The following CNTNAP2 variants were observed in gnomAD, a reference collection of about 807,000 sequenced individuals.
CNTNAP2 encodes contactin associated protein 2, also known as contactin-associated protein-like 2.
CNTNAP2 carries 98 observed loss-of-function variants against 155.2 expected under a neutral mutation model. The ratio of observed to expected loss-of-function variants is 0.63; its 90% CI spans 0.54 to 0.75. The LOEUF (loss-of-function observed/expected upper bound fraction) is 0.75. CNTNAP2 is among the 30% of genes least tolerant of loss of function. CNTNAP2 has a pLI of 0.00. For synonymous variants in CNTNAP2, 651 were observed against 631.2 expected (o/e 1.03, Z -0.47); for missense variants, 1,727 against 1,688.1 (o/e 1.02, Z -0.40).
chr7:146,706,853 C>A (rs1238546476), intron 1 of CNTNAP2, among the ~76,000 whole-genome samples: 1 of 148,642 alleles, frequency 6.7e-6, no homozygotes, highest in Non-Finnish European at 1.5e-5. Flanking sequence ...ATCTGTACAA[C>A]AATCCCCATG....
chr7:148,105,556 G>T (rs1804190403), intron 15 of CNTNAP2, among the ~76,000 whole-genome samples: 1 of 151,730 alleles, frequency 6.6e-6, no homozygotes, highest in Non-Finnish European at 1.5e-5. Flanking sequence ...AGAGTGAAAT[G>T]GTCGGTTTTG....
intron 1 of CNTNAP2, among the ~76,000 whole-genome samples, chr7:146,452,373 A>G (rs947533977): frequency 6.6e-6 from 1 of 152,230 alleles, no homozygotes; most frequent in African/African-American, 2.4e-5. Flanking sequence ...TATGACATGT[A>G]TAGTAAATAT....
intron 2 of CNTNAP2, among the ~76,000 whole-genome samples, chr7:146,810,805 AT>A (rs1463479086): frequency 1.3e-5 from 2 of 152,176 alleles, no homozygotes; most frequent in Non-Finnish European, 2.9e-5. Context: ...GTTGAAGTAT[AT>A]TCATTCTACA....
intron 9 of CNTNAP2, among the ~76,000 whole-genome samples, chr7:147,357,728 T>C (rs1796088193): frequency 6.6e-6 from 1 of 152,082 alleles, no homozygotes; most frequent in Non-Finnish European, 1.5e-5. Context: ...GTCCATCTAG[T>C]GAACACTTTT....
At chr7:147,492,905 C>A (rs1468794026) in intron 11 of CNTNAP2, among the ~76,000 whole-genome samples, 1 of 152,150 alleles carries the variant, frequency 6.6e-6, no homozygotes, top group Non-Finnish European at 1.5e-5. Context: ...TTAGACACGT[C>A]ATTTAATGTC....
intron 22 of CNTNAP2, among the ~76,000 whole-genome samples, chr7:148,388,925 A>G (rs1383520079): frequency 2.6e-5 from 4 of 152,088 alleles, no homozygotes; most frequent in African/African-American, 7.2e-5. Flanking sequence ...GGCCATGTGA[A>G]GTGTCAGTCT....
At chr7:147,012,251 A>G (rs111577384) in intron 3 of CNTNAP2, among the ~76,000 whole-genome samples, 9 of 152,276 alleles carry the variant, frequency 5.9e-5, no homozygotes, top group African/African-American at 1.9e-4. Flanking sequence ...GATAGTAGTA[A>G]TAGATGTAAA....
At chr7:147,714,056 A>T (rs1796446553) in intron 13 of CNTNAP2, among the ~76,000 whole-genome samples, 1 of 152,116 alleles carries the variant, frequency 6.6e-6, no homozygotes, top group Admixed American at 6.6e-5. Context: ...TACCTACTGT[A>T]TGCCAAGCGC....
At chr7:146,724,295 G>C (rs1338522493) in intron 1 of CNTNAP2, among the ~76,000 whole-genome samples, 1 of 152,114 alleles carries the variant, frequency 6.6e-6, no homozygotes, top group Non-Finnish European at 1.5e-5. Flanking sequence ...CTGTTGAATA[G>C]TTAGGGCCCT....
rs575281457 is a variant in CNTNAP2, at chr7:146,623,431, A to G, written c.98-150840A>G. On this transcript the variant is annotated intron_variant, in intron 1 of 23. Transcript: ENST00000361727. ...AAATGCCCTGTGCTTTGCCCACTCA[A>G]CTCTCTCTACAGAAAACCCTGCAAC... Among the ~76,000 whole-genome samples, 14 of 151,972 alleles carry G rather than the reference A, an allele frequency of 9.2e-5. 1 individual carries two copies. In the South Asian group the frequency reaches 2.9e-3, roughly 32 times the overall value.
At chr7:146,331,288 A>G (rs1801181822) in intron 1 of CNTNAP2, among the ~76,000 whole-genome samples, 1 of 146,462 alleles carries the variant, frequency 6.8e-6, no homozygotes, top group African/African-American at 2.6e-5. Context: ...TGGGCGACAG[A>G]GCGAGACTCC....
At chr7:146,127,111 A>C (rs1458588263) in intron 1 of CNTNAP2, among the ~76,000 whole-genome samples, 2 of 152,110 alleles carry the variant, frequency 1.3e-5, no homozygotes, top group Non-Finnish European at 2.9e-5. Flanking sequence ...AATCTAACCG[A>C]CCATACTGAG....
At chr7:147,245,955 A>G (rs529759769) in intron 8 of CNTNAP2, among the ~76,000 whole-genome samples, 2 of 150,308 alleles carry the variant, frequency 1.3e-5, no homozygotes, top group Admixed American at 6.7e-5. Context: ...ATACAAATAT[A>G]TGCATGCATA....
chr7:146,421,930 A>T (rs529487844), intron 1 of CNTNAP2, among the ~76,000 whole-genome samples: 2 of 151,892 alleles, frequency 1.3e-5, no homozygotes, highest in African/African-American at 2.4e-5. Flanking sequence ...TATATATTAT[A>T]GATGCTTGTT....
rs142809990 is a variant in CNTNAP2, at chr7:147,661,787, G to A, written c.2098+22481G>A. Among the ~76,000 whole-genome samples, 1,238 of 152,152 alleles carry A rather than the reference G, an allele frequency of 8.1e-3. 54 individuals are homozygous for A. In the East Asian group the frequency reaches 0.1, roughly 12 times the overall value. On this transcript the variant is annotated intron_variant, in intron 13 of 23. Coordinates refer to ENST00000361727, the MANE Select transcript of CNTNAP2 (RefSeq NM_014141.6). Reference sequence around the variant, plus strand: ...AGGCTGTTCTTGAACTCCTGACCTCGTGATCTGCCCACCTCGGCCTCCCAA... The same window carrying A: ...AGGCTGTTCTTGAACTCCTGACCTCATGATCTGCCCACCTCGGCCTCCCAA...
chr7:146,191,760 C>T (rs1330959210), intron 1 of CNTNAP2, among the ~76,000 whole-genome samples: 1 of 152,196 alleles, frequency 6.6e-6, no homozygotes, highest in Non-Finnish European at 1.5e-5. Flanking sequence ...TGGCTCTGTT[C>T]TGCCCGGCTC....
At chr7:148,327,283 C>A (rs754457428) in intron 21 of CNTNAP2, among the ~76,000 whole-genome samples, 12 of 152,080 alleles carry the variant, frequency 7.9e-5, no homozygotes, top group Non-Finnish European at 1.6e-4. Flanking sequence ...AGTGTAGCTC[C>A]GACATGATGT....
chr7:147,768,233 T>A (rs1336277863), intron 13 of CNTNAP2, among the ~76,000 whole-genome samples: 2 of 152,146 alleles, frequency 1.3e-5, no homozygotes, highest in Non-Finnish European at 2.9e-5. Context: ...AACATATCTA[T>A]AGAGGCTAAA....
In CNTNAP2 at chr7:146,265,751, C is replaced by T. The variant is rs140710738; in HGVS notation, c.97+148778C>T. On this transcript the variant is annotated intron_variant, in intron 1 of 23. Coordinates refer to ENST00000361727, the MANE Select transcript of CNTNAP2 (RefSeq NM_014141.6). ...CTATGATTATAGGCATGAGCCACTG[C>T]GCCTGTGCTGAGTATATTTTCAAAT... Among the ~76,000 whole-genome samples the T allele has an allele frequency of 1.5e-4, 23 of 152,244 alleles. 1 individual carries two copies. Among genetic ancestry groups the T allele is most frequent in the African/African-American group, 3.1e-4 (13 of 41,544 alleles).
Sources: allele counts gnomAD v4.1 joint callset (sites outside exome capture counted in the v4.1 genomes callset), GRCh38; gene constraint gnomAD v4.1.1; transcripts MANE v1.5; gene names NCBI Gene and HGNC (gene_info 2026-07-23, HGNC 2026-07-21).